RADIL: variants seen among roughly 807,000 people sequenced by gnomAD.
RADIL encodes the protein Rap associating with DIL domain, also known as ras-associating and dilute domain-containing protein.
RADIL carries 99 observed loss-of-function variants against 97.6 expected under a neutral mutation model. That is an observed-to-expected ratio of 1.01 (90% CI 0.86 to 1.20). The LOEUF is 1.20. Ranked by LOEUF, RADIL falls within the 50% of genes most tolerant of loss-of-function variation. The probability of loss-of-function intolerance (pLI) is 0.00; values close to 1 mark genes in which losing one functional copy is unlikely to be tolerated. For synonymous variants in RADIL, 803 were observed against 691.8 expected, an observed-to-expected ratio of 1.16 and a Z score of -2.52; for missense variants, 1,765 against 1,498.9, an observed-to-expected ratio of 1.18 and a Z score of -2.93.
At position 4,835,105 on chromosome 7, in the gene RADIL, C is replaced by T. The variant is rs1348106865; in HGVS notation, c.918G>A (p.Pro306=). ...LHCTIRRQPL[P]DSGQAAGRLV... ...GCCTCCCCGCGGCCTGGCCGCTGTC[C>T]GGGAGCGGTTGCCGGCGGATGGTGC... Residue 306 remains proline (P), a synonymous_variant, in exon 4 of 15, where the codon CCG becomes CCA. Transcript: ENST00000399583. This position sits in a 1 kb window ranked among gnomAD's most constrained non-coding sequence, Gnocchi z 5.8. 3.1e-6 allele frequency: 5 copies of T among 1,608,574 alleles called. No individual in the cohort carries two copies. Among genetic ancestry groups the T allele is most frequent in the Non-Finnish European group, 8.5e-7 (1 of 1,177,938 alleles).
chr7:4,807,616 T>TC (rs573021857), intron 9 of RADIL, among the ~76,000 whole-genome samples: 45 of 54,362 alleles, frequency 8.3e-4, no homozygotes, highest in African/African-American at 2.8e-3. Context: ...TCCTTCTCTC[T>TC]CCCCCCGTCT....
In RADIL at chr7:4,815,738, CAT is replaced by C. The variant is rs1326310163; in HGVS notation, c.1967-290_1967-289del. ...TGGGACCCTCTCCCACTCCCAGACA[CAT>C]GTGCCGGGGGCCTGCCCCCACCTGG... On this transcript the variant is annotated intron_variant, in intron 8 of 14. Coordinates refer to ENST00000399583, the MANE Select transcript of RADIL (RefSeq NM_018059.5). The surrounding 1 kb of genome is among the most constrained non-coding windows in gnomAD (Gnocchi z 8.0). Among the ~76,000 whole-genome samples, 1 of 152,076 alleles carries C rather than the reference CAT, an allele frequency of 6.6e-6. No homozygotes were observed. Among genetic ancestry groups the C allele is most frequent in the African/African-American group, 2.4e-5 (1 of 41,442 alleles).
intron 10 of RADIL, 153 bp downstream of exon 10, chr7:4,805,413 G>GA: frequency 1.1e-6 from 1 of 920,130 alleles, no homozygotes; most frequent in South Asian, 3.3e-5. Context: ...GCGGGGCGGG[G>GA]GGGTCCTCTG....
intron 10 of RADIL, chr7:4,804,024 C>T (rs1474817402): frequency 9.6e-6 from 5 of 519,010 alleles, no homozygotes; most frequent in East Asian, 3.6e-5. Context: ...TCCAGCCCCA[C>T]TGAGCCGCTC....
Position 4,805,654 on chromosome 7 carries a change from C to T in RADIL, c.2202G>A (p.Leu734=). 1 of 1,611,836 alleles carries T rather than the reference C, an allele frequency of 6.2e-7. No homozygotes were observed. Among genetic ancestry groups the T allele is most frequent in the Non-Finnish European group, 8.5e-7 (1 of 1,179,894 alleles). Residue 734 remains leucine, a synonymous_variant, in exon 10 of 15, where the codon CTG becomes CTA. Transcript: ENST00000399583. Reference sequence around the variant, plus strand: ...CCGAGGCCAGCTGGTAGTGAGTCAGCAGCCGGTGCAGCTGTGCTGGGCTCA... The same window carrying T: ...CCGAGGCCAGCTGGTAGTGAGTCAGTAGCCGGTGCAGCTGTGCTGGGCTCA... ...PALSPAQLHR[L]LTHYQLASAM... is the part of the protein sequence containing the mutation.
At chr7:4,802,433 C>T (rs1189518594) in intron 11 of RADIL, among the ~76,000 whole-genome samples, 14 of 125,528 alleles carry the variant, frequency 1.1e-4, no homozygotes, top group Admixed American at 3.1e-4. Context: ...CCTCGGGGCA[C>T]GCTGGCTGGG....
chr7:4,808,610 A>G lies in RADIL; in HGVS notation c.2140-2894T>C, dbSNP rs932100450. On this transcript the variant is annotated intron_variant, in intron 9 of 14. Coordinates refer to ENST00000399583, the MANE Select transcript of RADIL (RefSeq NM_018059.5). The stretch of plus-strand genomic sequence containing the variant: ...AGTCCTCACAGCTTGGCCCTTTACA[A>G]GAAGCAGCCCCGCGGCCCTGGTCTC... The G allele has an allele frequency of 1.3e-5, 13 of 985,214 alleles. No homozygotes were observed. In the African/African-American group the frequency reaches 2.1e-4, roughly 16 times the overall value. The allele number at this position is 985,214 out of a possible 1,614,324, so 61.0% of individuals were successfully genotyped here.
intron 9 of RADIL, chr7:4,809,637 CA>C: frequency 1.0e-6 from 1 of 982,084 alleles, no homozygotes; most frequent in African/African-American, 1.8e-5. Flanking sequence ...CCTGCCCTTT[CA>C]GGAGTATTTT....
At chr7:4,839,365 GT>G (rs961458641) in intron 2 of RADIL, among the ~76,000 whole-genome samples, 3 of 151,870 alleles carry the variant, frequency 2.0e-5, no homozygotes, top group Admixed American at 6.6e-5. Flanking sequence ...TATAATTTCC[GT>G]TTTTTTTAAT....
At chr7:4,799,805 C>T (rs561253132) in intron 13 of RADIL, 36 bp from the exon 14 acceptor site, 3 of 1,469,598 alleles carry the variant, frequency 2.0e-6, no homozygotes, top group Non-Finnish European at 2.7e-6. Flanking sequence ...CTCCGCAGGC[C>T]CGACTGGCTG....
At chr7:4,869,058 T>C (rs1376932403) in intron 2 of RADIL, among the ~76,000 whole-genome samples, 2 of 152,130 alleles carry the variant, frequency 1.3e-5, no homozygotes, top group African/African-American at 2.4e-5. Flanking sequence ...ACCCGAGAAG[T>C]GGAGGTTGCA....
intron 9 of RADIL, among the ~76,000 whole-genome samples, chr7:4,806,456 G>A (rs1269406479): frequency 6.6e-6 from 1 of 152,122 alleles, no homozygotes; most frequent in Non-Finnish European, 1.5e-5. Flanking sequence ...CAAAGTGTTG[G>A]GATTGCAGGT....
intron 4 of RADIL, among the ~76,000 whole-genome samples, chr7:4,833,573 G>A (rs1455052891): frequency 6.6e-6 from 1 of 152,228 alleles, no homozygotes; most frequent in African/African-American, 2.4e-5. Flanking sequence ...AGGGAAGCCT[G>A]AGCTGGCTTT....
chr7:4,881,414 CAAAAAAAA>C (rs58871429), intron 1 of RADIL, among the ~76,000 whole-genome samples: 28 of 82,290 alleles, frequency 3.4e-4, no homozygotes, highest in Admixed American at 6.3e-4. Context: ...GACTCCCTCT[CAAAAAAAA>C]AAAAAAAAAA....
Position 4,799,459 on chromosome 7 carries a change from G to A in RADIL, c.3147C>T (p.Gly1049=), listed in dbSNP as rs376538057. ...YLRAVDLIRH[G]GKKMRFLVAK... is the part of the protein sequence containing the mutation. The stretch of plus-strand genomic sequence containing the variant: ...CGACCAGGAACCGCATCTTCTTCCC[G>A]CCATGACGGATCAGGTCCACAGCTC... Residue 1049 remains glycine, a synonymous_variant, in exon 15 of 15, where the codon GGC becomes GGT. Coordinates refer to ENST00000399583, the MANE Select transcript of RADIL (RefSeq NM_018059.5). 16 of 1,613,818 alleles carry A rather than the reference G, an allele frequency of 9.9e-6. No individual in the cohort carries two copies. Among genetic ancestry groups the A allele is most frequent in the African/African-American group, 2.7e-5 (2 of 74,918 alleles).
chr7:4,801,102 GCA>G (rs1036375697), intron 12 of RADIL, among the ~76,000 whole-genome samples: 10 of 152,126 alleles, frequency 6.6e-5, no homozygotes, highest in South Asian at 4.1e-4. Context: ...ATGCACAGAT[GCA>G]CACACAATGC....
chr7:4,850,986 G>A (rs1169514783), intron 2 of RADIL, among the ~76,000 whole-genome samples: 1 of 152,128 alleles, frequency 6.6e-6, no homozygotes, highest in Non-Finnish European at 1.5e-5. Context: ...TGGATCATCC[G>A]AGGTCAGGAG....
chr7:4,808,172 C>T (rs1284229924), intron 9 of RADIL, among the ~76,000 whole-genome samples: 1 of 141,534 alleles, frequency 7.1e-6, no homozygotes, highest in Admixed American at 7.1e-5. Flanking sequence ...CCCTCTCTCC[C>T]TGTATCTTCT....
At chr7:4,806,999 A>G (rs1782330674) in intron 9 of RADIL, among the ~76,000 whole-genome samples, 1 of 152,116 alleles carries the variant, frequency 6.6e-6, no homozygotes, top group Non-Finnish European at 1.5e-5. Flanking sequence ...TCTTGGCAGC[A>G]GCTCCTCCAC....
Sources: gnomAD v4.1 joint callset for allele counts (sites outside exome capture counted in the v4.1 genomes callset) on GRCh38, gnomAD v4.1.1 for gene constraint, Gnocchi (gnomAD v3.1) non-coding constraint, MANE v1.5 for transcripts, NCBI Gene and HGNC (gene_info 2026-07-23, HGNC 2026-07-21) for gene names.